Variants in ENTREP2 observed in about 807,000 individuals in gnomAD.
ENTREP2 encodes the protein protein ENTREP2.
chr15:29,546,004 C>G, the ENTREP2 span, among the ~76,000 whole-genome samples: 2 of 152,180 alleles, frequency 1.3e-5, no homozygotes, highest in Non-Finnish European at 2.9e-5. Flanking sequence ...CAAAGAGGTT[C>G]AACAACTTGA....
At chr15:29,417,948 C>T in the ENTREP2 span, among the ~76,000 whole-genome samples, 11 of 152,256 alleles carry the variant, frequency 7.2e-5, no homozygotes, top group African/African-American at 2.6e-4. Flanking sequence ...TTATGTTTTG[C>T]TCAGCAAAAT....
chr15:29,137,735 C>T, the ENTREP2 span, among the ~76,000 whole-genome samples: 1 of 152,148 alleles, frequency 6.6e-6, no homozygotes, highest in Non-Finnish European at 1.5e-5. Context: ...ACTTGGGAGG[C>T]TGAGGCAGGA....
chr15:29,555,684 C>T, the ENTREP2 span, among the ~76,000 whole-genome samples: 14 of 152,282 alleles, frequency 9.2e-5, no homozygotes, highest in South Asian at 6.2e-4. Flanking sequence ...TATGCTAGAT[C>T]AGCTCAGAAC....
chr15:29,637,569 T>C, the ENTREP2 span, among the ~76,000 whole-genome samples: 5 of 152,274 alleles, frequency 3.3e-5, no homozygotes, highest in African/African-American at 1.2e-4. Flanking sequence ...AGAGTGAGTG[T>C]CCTTCCTGGG....
At chr15:29,520,127 T>C in the ENTREP2 span, among the ~76,000 whole-genome samples, 92,083 of 152,030 alleles carry the variant, frequency 0.61, 29,746 homozygotes, top group African/African-American at 0.85. Flanking sequence ...TTCACATGGA[T>C]GCGCATGACG....
the ENTREP2 span, among the ~76,000 whole-genome samples, chr15:29,410,392 G>C: frequency 6.6e-6 from 1 of 152,026 alleles, no homozygotes; most frequent in Non-Finnish European, 1.5e-5. Flanking sequence ...CTCCCCTGCA[G>C]GGGCTGCTCT....
the ENTREP2 span, among the ~76,000 whole-genome samples, chr15:29,641,454 GTT>G: frequency 6.6e-6 from 1 of 152,104 alleles, no homozygotes; most frequent in Non-Finnish European, 1.5e-5. Context: ...TAATAAATGA[GTT>G]CAGCCAAGTT....
the ENTREP2 span, among the ~76,000 whole-genome samples, chr15:29,308,381 A>G: frequency 1.3e-5 from 2 of 152,124 alleles, no homozygotes; most frequent in African/African-American, 4.8e-5. Flanking sequence ...GAAAAAAAAG[A>G]AAAAAGGAAA....
chr15:29,196,870 C>A, the ENTREP2 span, among the ~76,000 whole-genome samples: 1 of 152,204 alleles, frequency 6.6e-6, no homozygotes, highest in Non-Finnish European at 1.5e-5. Flanking sequence ...GAAAGTCACT[C>A]ATGCTGATGT....
At chr15:29,169,827 C>T in the ENTREP2 span, among the ~76,000 whole-genome samples, 1 of 152,122 alleles carries the variant, frequency 6.6e-6, no homozygotes, top group Non-Finnish European at 1.5e-5. Context: ...GGATTGCTGC[C>T]AATATCACTT....
chr15:29,551,820 G>A, the ENTREP2 span, among the ~76,000 whole-genome samples: 3 of 152,084 alleles, frequency 2.0e-5, no homozygotes, highest in Non-Finnish European at 4.4e-5. Context: ...CAAGGGAGAA[G>A]CAAGTAAACA....
At chr15:29,223,634 A>G in the ENTREP2 span, among the ~76,000 whole-genome samples, 10 of 152,038 alleles carry the variant, frequency 6.6e-5, no homozygotes, top group African/African-American at 2.4e-4. Flanking sequence ...TGGAGACCAC[A>G]CTTCTTGCAG....
the ENTREP2 span, among the ~76,000 whole-genome samples, chr15:29,623,230 TC>T: frequency 1.3e-5 from 2 of 152,178 alleles, no homozygotes; most frequent in Non-Finnish European, 2.9e-5. Context: ...ACACACATGG[TC>T]TTGCAGAGCC....
chr15:29,646,318 T>G, the ENTREP2 span, among the ~76,000 whole-genome samples: 4 of 152,212 alleles, frequency 2.6e-5, no homozygotes, highest in African/African-American at 9.6e-5. Context: ...TGGGCCAGGC[T>G]GGGTTTTTAT....
At chr15:29,511,506 T>A in the ENTREP2 span, among the ~76,000 whole-genome samples, 23 of 151,584 alleles carry the variant, frequency 1.5e-4, 1 homozygote, top group South Asian at 4.2e-4. Context: ...TTTTTTTTTT[T>A]ATTTTTTGTA....
At chr15:29,543,891 A>G in the ENTREP2 span, among the ~76,000 whole-genome samples, 3 of 152,024 alleles carry the variant, frequency 2.0e-5, no homozygotes, top group African/African-American at 7.2e-5. Context: ...AAATGATGTC[A>G]AATTTTCCAT....
the ENTREP2 span, among the ~76,000 whole-genome samples, chr15:29,183,688 A>G: frequency 6.6e-6 from 1 of 152,288 alleles, no homozygotes; most frequent in Admixed American, 6.5e-5. Context: ...TTACGGTACC[A>G]AATGCGTCAA....
chr15:29,291,299 C>T, the ENTREP2 span, among the ~76,000 whole-genome samples: 1 of 152,182 alleles, frequency 6.6e-6, no homozygotes, highest in South Asian at 2.1e-4. Flanking sequence ...GATCTTCTGT[C>T]AGGCACCCCC....
chr15:29,422,812 T>C, the ENTREP2 span, among the ~76,000 whole-genome samples: 1 of 152,094 alleles, frequency 6.6e-6, no homozygotes, highest in Non-Finnish European at 1.5e-5. Context: ...CCCCTGAGCA[T>C]GATGGATCCA....
Sources: gnomAD v4.1 joint callset for allele counts (sites outside exome capture counted in the v4.1 genomes callset) on GRCh38, gnomAD v4.1.1 for gene constraint, MANE v1.5 for transcripts, NCBI Gene and HGNC (gene_info 2026-07-23, HGNC 2026-07-21) for gene names.